The following PPP2R2D variants were observed in gnomAD, a reference collection of about 807,000 sequenced individuals.
The protein encoded by PPP2R2D is serine/threonine-protein phosphatase 2A 55 kDa regulatory subunit B delta isoform.
Under a neutral mutation model 31.1 loss-of-function variants are expected in PPP2R2D, and 9 were observed. That is an observed-to-expected ratio of 0.29 (90% CI 0.17 to 0.51). The LOEUF (loss-of-function observed/expected upper bound fraction) is 0.51, where lower values mean the gene tolerates loss of function less well. Ranked by LOEUF, PPP2R2D falls within the 20% of genes least tolerant of loss-of-function variation. The probability of loss-of-function intolerance (pLI) is 0.98; values close to 1 mark genes in which losing one functional copy is unlikely to be tolerated. For missense variants in PPP2R2D, 391 were observed against 465.6 expected, an observed-to-expected ratio of 0.84 and a Z score of 1.48; for synonymous variants, 179 against 172.6, an observed-to-expected ratio of 1.04 and a Z score of -0.29.
At chr10:131,949,072 C>T (rs988967847) in intron 8 of PPP2R2D, among the ~76,000 whole-genome samples, 6 of 152,286 alleles carry the variant, frequency 3.9e-5, no homozygotes, top group Non-Finnish European at 4.4e-5. Context: ...CGGGAGGGAC[C>T]GGCGTGTTTC....
chr10:131,910,984 C>T (rs1245187492), intron 2 of PPP2R2D, among the ~76,000 whole-genome samples: 3 of 152,192 alleles, frequency 2.0e-5, no homozygotes, highest in Admixed American at 2.0e-4. Flanking sequence ...CCCCGTCCCT[C>T]GCCCTGTGCA....
At chr10:131,901,780 G>T (rs2035502893) in intron 2 of PPP2R2D, among the ~76,000 whole-genome samples, 1 of 151,838 alleles carries the variant, frequency 6.6e-6, no homozygotes, top group Non-Finnish European at 1.5e-5. Flanking sequence ...CTGGGTCGGG[G>T]CCTCGGCCCC....
Position 131,956,104 on chromosome 10 carries a change from CT to C in PPP2R2D, c.*142del. 1 of 1,267,022 alleles carries C rather than the reference CT, an allele frequency of 7.9e-7. No homozygotes were observed. Among genetic ancestry groups the C allele is most frequent in the Non-Finnish European group, 9.9e-7 (1 of 1,008,118 alleles). 78.5% of individuals were successfully genotyped at this position (1,267,022 alleles called of 1,614,324 possible). ...CTTCACAGACACAGGAGAAAGCCGCCTCCGCTGGAGGCCCGGTGTGGTTCCG... is the reference window on the plus strand; with the variant it reads ...CTTCACAGACACAGGAGAAAGCCGCCCCGCTGGAGGCCCGGTGTGGTTCCG... On this transcript the variant is annotated 3_prime_UTR_variant, in exon 9 of 9. Coordinates refer to ENST00000455566, the MANE Select transcript of PPP2R2D (RefSeq NM_018461.5).
chr10:131,921,371 G>C (rs782536116), intron 2 of PPP2R2D, among the ~76,000 whole-genome samples: 4 of 152,162 alleles, frequency 2.6e-5, no homozygotes, highest in Non-Finnish European at 4.4e-5. Flanking sequence ...GGGTCCTAAG[G>C]CTTCGGCAGT....
chr10:131,964,326 G>C (rs2120127000), downstream of PPP2R2D, among the ~76,000 whole-genome samples: 1 of 152,044 alleles, frequency 6.6e-6, no homozygotes, highest in African/African-American at 2.4e-5. Flanking sequence ...TGGTGACTTT[G>C]TGTTTTTTTT....
chr10:131,966,624 C>T, the PPP2R2D span: 1 of 152,260 alleles, frequency 6.6e-6, no homozygotes, highest in African/African-American at 2.4e-5. Flanking sequence ...TATCCTGGCT[C>T]ACTGCAGCCT....
In PPP2R2D at chr10:131,947,508, A is replaced by G. The variant is rs760848278; in HGVS notation, c.821-22A>G. Reference sequence around the variant, plus strand: ...CTCTGATTTTTAAACAGAAGCTGAAAACATTTTATTTTGTTTTTCAGTTTT... The same window carrying G: ...CTCTGATTTTTAAACAGAAGCTGAAGACATTTTATTTTGTTTTTCAGTTTT... On this transcript the variant is annotated intron_variant, in intron 7 of 8. Coordinates refer to ENST00000455566, the MANE Select transcript of PPP2R2D (RefSeq NM_018461.5). This position sits in a 1 kb window ranked among gnomAD's most constrained non-coding sequence, Gnocchi z 4.3. 2 of 1,606,258 alleles carry G rather than the reference A, an allele frequency of 1.2e-6. No individual in the cohort carries two copies. The highest frequency in any genetic ancestry group is 1.7e-6 in the Non-Finnish European group (2 of 1,175,688).
At chr10:131,965,839 C>T in the PPP2R2D span, among the ~76,000 whole-genome samples, 2 of 152,186 alleles carry the variant, frequency 1.3e-5, no homozygotes, top group African/African-American at 4.8e-5. Context: ...TATTTTTGCA[C>T]TGTGTTTTAC....
chr10:131,963,164 C>CA (rs1554901724), downstream of PPP2R2D, among the ~76,000 whole-genome samples: 2 of 151,852 alleles, frequency 1.3e-5, no homozygotes, highest in Admixed American at 1.3e-4. Context: ...GACTCCATCT[C>CA]AAAAAAAGGT....
chr10:131,924,140 C>T (rs554033689), intron 2 of PPP2R2D, among the ~76,000 whole-genome samples: 5 of 152,238 alleles, frequency 3.3e-5, no homozygotes, highest in African/African-American at 7.2e-5. Context: ...TTGATGGTGT[C>T]CTTAGATGCA....
chr10:131,931,691 G>C (rs192327327), intron 2 of PPP2R2D, among the ~76,000 whole-genome samples: 1 of 152,228 alleles, frequency 6.6e-6, no homozygotes, highest in Non-Finnish European at 1.5e-5. Flanking sequence ...TCTGCAGGTC[G>C]TGGCTGTTGG....
intron 2 of PPP2R2D, among the ~76,000 whole-genome samples, chr10:131,903,427 A>G (rs1177844346): frequency 7.2e-6 from 1 of 138,124 alleles, no homozygotes; most frequent in Non-Finnish European, 1.5e-5. Context: ...AGATCGTGCC[A>G]TTGCCCTCCA....
At chr10:131,963,565 C>T (rs1244561969), downstream of PPP2R2D, among the ~76,000 whole-genome samples, 1 of 152,220 alleles carries the variant, frequency 6.6e-6, no homozygotes, top group Non-Finnish European at 1.5e-5. Context: ...GCGGGCTGTC[C>T]ACACCGTCCG....
intron 3 of PPP2R2D, among the ~76,000 whole-genome samples, chr10:131,938,228 C>T (rs1368775779): frequency 1.3e-5 from 2 of 152,204 alleles, no homozygotes; most frequent in African/African-American, 4.8e-5. Flanking sequence ...TTGGAAATAT[C>T]AAGGAACATC....
chr10:131,952,137 G>C (rs1391435707), intron 8 of PPP2R2D, among the ~76,000 whole-genome samples: 1 of 103,098 alleles, frequency 9.7e-6, no homozygotes, highest in South Asian at 3.7e-4. Context: ...GCGGGTGTGC[G>C]GGGGGGTTCA....
chr10:131,940,701 G>T lies in PPP2R2D; in HGVS notation c.477+7G>T, dbSNP rs373556871. 1.3e-6 allele frequency: 1 copy of T among 769,486 alleles called. No homozygotes were observed. The highest frequency in any genetic ancestry group is 2.4e-6 in the Non-Finnish European group (1 of 413,000). The allele number at this position is 769,486 out of a possible 1,614,324, so 47.7% of individuals were successfully genotyped here. A position where few individuals can be genotyped will look rare whatever the true frequency, so the allele number is the denominator to read the frequency against. On this transcript the variant is annotated splice_region_variant and intron_variant, in intron 5 of 8. Coordinates refer to ENST00000455566, the MANE Select transcript of PPP2R2D (RefSeq NM_018461.5). ...TAGGATCACGGCGCTACGGGTACAC[G>T]TTGCCTTTGCTTTATCCAATGCTGT... is the stretch of plus-strand genomic sequence containing the variant.
Position 131,947,645 on chromosome 10 carries a change from G to T in PPP2R2D, c.936G>T (p.Leu312=), listed in dbSNP as rs1012656436. 1.9e-6 allele frequency: 3 copies of T among 1,614,236 alleles called. No individual in the cohort carries two copies. The highest frequency in any genetic ancestry group is 2.2e-5 in the East Asian group (1 of 44,884). ...SGRYMMTRDY[L]SVKVWDLNME... ...GGTACATGATGACCAGAGACTACCT[G>T]TCGGTGAAGGTGTGGGACCTCAACA... Residue 312 remains leucine, a synonymous_variant, in exon 8 of 9, where the codon CTG becomes CTT. Coordinates refer to ENST00000455566, the MANE Select transcript of PPP2R2D (RefSeq NM_018461.5). The surrounding 1 kb of genome is among the most constrained non-coding windows in gnomAD (Gnocchi z 4.3).
intron 2 of PPP2R2D, among the ~76,000 whole-genome samples, chr10:131,928,091 C>A (rs1554895185): frequency 1.3e-5 from 2 of 152,226 alleles, no homozygotes. Context: ...AAGTCAGTCT[C>A]ATTTCAGCTG....
At chr10:131,961,832 T>C (rs1329206607), downstream of PPP2R2D, among the ~76,000 whole-genome samples, 2 of 77,348 alleles carry the variant, frequency 2.6e-5, no homozygotes, top group African/African-American at 1.0e-4. Context: ...TCCTCCAGGG[T>C]TTTTTTTTTT....
Sources: allele counts gnomAD v4.1 joint callset (sites outside exome capture counted in the v4.1 genomes callset), GRCh38; gene constraint gnomAD v4.1.1; non-coding constraint Gnocchi (gnomAD v3.1); transcripts MANE v1.5; gene names NCBI Gene and HGNC (gene_info 2026-07-23, HGNC 2026-07-21).